Variants in PCDH15 observed in about 807,000 individuals in gnomAD.
The protein encoded by PCDH15 is protocadherin related 15.
A neutral mutation model predicts 178.5 loss-of-function variants in PCDH15; 129 were observed. That is an observed-to-expected ratio of 0.72 (90% confidence interval 0.63 to 0.84). The LOEUF is 0.84. Among genes scored for constraint, PCDH15 ranks in the 40% least tolerant of loss-of-function variants. The probability of loss-of-function intolerance (pLI) is 0.00; values close to 1 mark genes in which losing one functional copy is unlikely to be tolerated. For synonymous variants in PCDH15, 800 were observed against 732.0 expected, an observed-to-expected ratio of 1.09 and a Z score of -1.50; for missense variants, 2,230 against 2,099.9, an observed-to-expected ratio of 1.06 and a Z score of -1.21.
At chr10:55,044,667 A>G (rs1289528911) in intron 2 of PCDH15, among the ~76,000 whole-genome samples, 1 of 152,130 alleles carries the variant, frequency 6.6e-6, no homozygotes, top group Non-Finnish European at 1.5e-5. Flanking sequence ...ATTATGTACT[A>G]TATGTTTATT....
chr10:54,228,772 G>A (rs1196901970), intron 9 of PCDH15, among the ~76,000 whole-genome samples: 3 of 152,080 alleles, frequency 2.0e-5, no homozygotes, highest in Non-Finnish European at 4.4e-5. Flanking sequence ...GCCCATATTG[G>A]TAAGAGCAGA....
intron 1 of PCDH15, among the ~76,000 whole-genome samples, chr10:54,759,116 G>A (rs1162316158): frequency 2.0e-5 from 3 of 151,994 alleles, no homozygotes; most frequent in Non-Finnish European, 4.4e-5. Context: ...ATATACAGGT[G>A]AAATAAAATC....
At position 53,828,585 on chromosome 10, in the gene PCDH15, A is replaced by G. The variant is rs201987190; in HGVS notation, c.4203-12T>C. On this transcript the variant is annotated splice_polypyrimidine_tract_variant and intron_variant, in intron 30 of 37. Coordinates refer to ENST00000644397, the MANE Select transcript of PCDH15 (RefSeq NM_001384140.1). ...CTTACACTTTAAACCTGTTTGGGAA[A>G]GCAAGAGTAAGAAAAATAGAAAGCT... is the stretch of plus-strand genomic sequence containing the variant. 11 of 1,542,296 alleles carry G rather than the reference A, an allele frequency of 7.1e-6. No homozygotes were observed. The highest frequency in any genetic ancestry group is 7.2e-6 in the Non-Finnish European group (8 of 1,115,460).
At chr10:54,399,771 G>A (rs748404938) in intron 3 of PCDH15, among the ~76,000 whole-genome samples, 5 of 152,000 alleles carry the variant, frequency 3.3e-5, no homozygotes, top group Admixed American at 6.6e-5. Context: ...AGCCACATCC[G>A]CGGGAACAGC....
intron 10 of PCDH15, among the ~76,000 whole-genome samples, chr10:54,206,786 T>C (rs2050842309): frequency 6.6e-6 from 1 of 152,094 alleles, no homozygotes; most frequent in African/African-American, 2.4e-5. Context: ...TTCAATATGC[T>C]CTTTCATTGT....
chr10:54,013,655 A>G (rs2092656744), intron 20 of PCDH15, among the ~76,000 whole-genome samples: 1 of 152,200 alleles, frequency 6.6e-6, no homozygotes, highest in Non-Finnish European at 1.5e-5. Flanking sequence ...TTCCTCAATT[A>G]TCTCTGGGTA....
chr10:55,275,679 T>C (rs985706539), intron 1 of PCDH15, among the ~76,000 whole-genome samples: 3 of 151,516 alleles, frequency 2.0e-5, no homozygotes, highest in Non-Finnish European at 2.9e-5. Flanking sequence ...TTATTATAAA[T>C]CTTGAAATCA....
intron 2 of PCDH15, among the ~76,000 whole-genome samples, chr10:55,427,762 T>G (rs1838791786): frequency 6.6e-6 from 1 of 152,120 alleles, no homozygotes; most frequent in Admixed American, 6.6e-5. Flanking sequence ...ATGTATAATC[T>G]GTACTGGCTG....
intron 2 of PCDH15, among the ~76,000 whole-genome samples, chr10:54,570,283 TA>T (rs2089632382): frequency 6.6e-6 from 1 of 152,136 alleles, no homozygotes; most frequent in African/African-American, 2.4e-5. Flanking sequence ...AAAATAGTTT[TA>T]AAAAATAATG....
At chr10:53,883,089 T>C (rs1254780150) in intron 26 of PCDH15, among the ~76,000 whole-genome samples, 1 of 152,068 alleles carries the variant, frequency 6.6e-6, no homozygotes, top group Non-Finnish European at 1.5e-5. Flanking sequence ...GATATTATGA[T>C]CCTAGTTTAC....
intron 3 of PCDH15, among the ~76,000 whole-genome samples, chr10:54,403,220 A>G (rs1236522035): frequency 6.6e-6 from 1 of 152,178 alleles, no homozygotes; most frequent in Non-Finnish European, 1.5e-5. Flanking sequence ...CTACATAGCT[A>G]TGAAGGCTGA....
At chr10:53,940,497 G>T (rs891463313) in intron 24 of PCDH15, among the ~76,000 whole-genome samples, 60 of 152,174 alleles carry the variant, frequency 3.9e-4, no homozygotes, top group African/African-American at 1.4e-3. Flanking sequence ...GTCATGGATG[G>T]TTCAGACACT....
At chr10:55,442,484 T>TA (rs56090597) in intron 2 of PCDH15, among the ~76,000 whole-genome samples, 35,832 of 122,382 alleles carry the variant, frequency 0.29, 5,614 homozygotes, top group East Asian at 0.42. Context: ...ATATATATTA[T>TA]ATATATATAT....
chr10:55,434,082 T>TTTC (rs1554867898), intron 2 of PCDH15, among the ~76,000 whole-genome samples: 1 of 126,632 alleles, frequency 7.9e-6, no homozygotes, highest in African/African-American at 3.4e-5. Context: ...CTTTTCTTTT[T>TTTC]TTTTTTTTTT....
At chr10:54,372,288 A>G (rs1210295048) in intron 4 of PCDH15, among the ~76,000 whole-genome samples, 1 of 151,800 alleles carries the variant, frequency 6.6e-6, no homozygotes, top group Non-Finnish European at 1.5e-5. Context: ...CTTATCAAAT[A>G]GAGGATCAAA....
At chr10:54,766,133 A>G (rs1948485588) in intron 1 of PCDH15, among the ~76,000 whole-genome samples, 1 of 152,166 alleles carries the variant, frequency 6.6e-6, no homozygotes, top group African/African-American at 2.4e-5. Context: ...AAATACAGCA[A>G]CAATAAAAAT....
At chr10:54,468,382 C>T (rs1406920830) in intron 3 of PCDH15, among the ~76,000 whole-genome samples, 2 of 151,838 alleles carry the variant, frequency 1.3e-5, no homozygotes, top group Non-Finnish European at 2.9e-5. Flanking sequence ...TGTTTCAATA[C>T]ATTTTTTGAT....
chr10:55,262,143 A>G (rs2132236180), intron 1 of PCDH15, among the ~76,000 whole-genome samples: 1 of 127,382 alleles, frequency 7.9e-6, no homozygotes, highest in African/African-American at 2.9e-5. Context: ...AGATGAAGGA[A>G]GGAGTGTGAG....
At chr10:53,889,984 T>C (rs1482793033) in intron 26 of PCDH15, among the ~76,000 whole-genome samples, 1 of 152,246 alleles carries the variant, frequency 6.6e-6, no homozygotes, top group Non-Finnish European at 1.5e-5. Flanking sequence ...GAGCAGGAAC[T>C]GGTAATGCTC....
Sources: allele counts gnomAD v4.1 joint callset (sites outside exome capture counted in the v4.1 genomes callset), GRCh38; gene constraint gnomAD v4.1.1; transcripts MANE v1.5; gene names NCBI Gene and HGNC (gene_info 2026-07-23, HGNC 2026-07-21).